The following LMX1B variants were observed in gnomAD, a reference collection of about 807,000 sequenced individuals.
LMX1B encodes the protein LIM homeobox transcription factor 1 beta.
In LMX1B, 12 loss-of-function variants were observed where a neutral mutation model predicts 51.4. The ratio of observed to expected loss-of-function variants is 0.23; its 90% CI spans 0.15 to 0.38. The LOEUF is 0.38. Ranked by LOEUF, LMX1B falls within the 10% of genes least tolerant of loss-of-function variation. LMX1B has a pLI of 1.00. For missense variants in LMX1B, 445 were observed against 571.1 expected (o/e 0.78, Z 2.25); for synonymous variants, 237 against 235.4 (o/e 1.01, Z -0.06).
intron 2 of LMX1B, among the ~76,000 whole-genome samples, chr9:126,678,549 A>C (rs994474029): frequency 1.1e-4 from 17 of 152,186 alleles, no homozygotes; most frequent in African/African-American, 3.9e-4. Context: ...CTGCCTGGTA[A>C]AATTTGTAGT....
At position 126,658,646 on chromosome 9, in the gene LMX1B, T is replaced by C. The variant is rs1836165324; in HGVS notation, c.327-32190T>C. Among the ~76,000 whole-genome samples, 3 of 152,232 alleles carry C rather than the reference T, an allele frequency of 2.0e-5. No individual in the cohort carries two copies. Among genetic ancestry groups the C allele is most frequent in the Admixed American group, 1.3e-4 (2 of 15,284 alleles). ...GGCAGCGTTATTACCTTGTCATAAA[T>C]AGTTAGGGGAAGGCCCCCGAACGAG... On this transcript the variant is annotated intron_variant, in intron 2 of 7. Transcript: ENST00000373474. This position sits in a 1 kb window ranked among gnomAD's most constrained non-coding sequence, Gnocchi z 4.0.
chr9:126,697,867 T>G lies in LMX1B; in HGVS notation c.*1416T>G, dbSNP rs2030400728. ...TTGTTTTGTTTTGTTTTGTTTTGTT[T>G]TGTTTTGTTTTGTTTTGTTTTGTTT... On this transcript the variant is annotated 3_prime_UTR_variant, in exon 8 of 8. Coordinates refer to ENST00000373474, the MANE Select transcript of LMX1B (RefSeq NM_001174147.2). The G allele has an allele frequency of 6.4e-6, 1 of 157,222 alleles. No homozygotes were observed. Among genetic ancestry groups the G allele is most frequent in the South Asian group, 2.0e-4 (1 of 5,022 alleles). 9.7% of individuals were successfully genotyped at this position (157,222 alleles called of 1,614,324 possible). A position where few individuals can be genotyped will look rare whatever the true frequency, so the allele number is the denominator to read the frequency against.
At chr9:126,687,226 T>TA (rs1012018224) in intron 2 of LMX1B, among the ~76,000 whole-genome samples, 8 of 151,736 alleles carry the variant, frequency 5.3e-5, no homozygotes, top group Admixed American at 2.6e-4. Context: ...CCTTTTTTTT[T>TA]TTATTTTTTA....
chr9:126,664,185 G>A (rs184639170), intron 2 of LMX1B, among the ~76,000 whole-genome samples: 97 of 152,024 alleles, frequency 6.4e-4, no homozygotes, highest in African/African-American at 2.2e-3. Context: ...TGAGGCTGTC[G>A]GGGGGGTCTC....
intron 2 of LMX1B, among the ~76,000 whole-genome samples, chr9:126,679,970 A>G (rs1836643439): frequency 6.6e-6 from 1 of 152,204 alleles, no homozygotes; most frequent in Non-Finnish European, 1.5e-5. Context: ...GAATGTCTTC[A>G]GACTGCCGTG....
At chr9:126,689,847 A>G (rs148314492) in intron 2 of LMX1B, among the ~76,000 whole-genome samples, 2 of 152,298 alleles carry the variant, frequency 1.3e-5, no homozygotes, top group South Asian at 2.1e-4. Context: ...TAGCACCTCA[A>G]TTTCCTCATC....
intron 2 of LMX1B, among the ~76,000 whole-genome samples, chr9:126,657,659 C>A (rs1009511424): frequency 2.6e-5 from 4 of 152,218 alleles, no homozygotes; most frequent in Non-Finnish European, 5.9e-5. Flanking sequence ...AGCTCCCGGG[C>A]CAGAGTTTTG....
Position 126,693,527 on chromosome 9 carries a change from C to A in LMX1B, c.745C>A (p.Arg249=), listed in dbSNP as rs121909492. ...TGTTCCCCTCTCTCTGAGCCAGGTC[C>A]GAGAGACACTGGCAGCTGAGACGGG... The part of the protein sequence containing the change: ...EVSSKPCRKV[R]ETLAAETGLS... The change falls in exon 5 of 8, where the codon CGA becomes AGA. Residue 249 remains arginine, a synonymous_variant. Coordinates refer to ENST00000373474, the MANE Select transcript of LMX1B (RefSeq NM_001174147.2). 7 of 1,613,956 alleles carry A rather than the reference C, an allele frequency of 4.3e-6. No individual in the cohort carries two copies. The highest frequency in any genetic ancestry group is 5.9e-6 in the Non-Finnish European group (7 of 1,179,948).
At chr9:126,665,183 C>T (rs1836318957) in intron 2 of LMX1B, among the ~76,000 whole-genome samples, 1 of 152,228 alleles carries the variant, frequency 6.6e-6, no homozygotes, top group African/African-American at 2.4e-5. Context: ...CTGGCTTCCT[C>T]CAGCTCCCTG....
Position 126,693,759 on chromosome 9 carries a change from C to T in LMX1B, c.833C>T (p.Ala278Val), listed in dbSNP as rs1432125809. Residue 278 changes from alanine (A) to valine (V), a missense_variant, in exon 6 of 8, where the codon GCG becomes GTG. Around this residue, in one of 3 missense-constraint regions of LMX1B, gnomAD observed 162 missense variants for 187.8 expected, o/e 0.86. Coordinates refer to ENST00000373474, the MANE Select transcript of LMX1B (RefSeq NM_001174147.2). ...QNQRAKMKKL[A>V]RRHQQQQEQQ... ...CTCTCCCTGCAGATGAAGAAGCTGGCGCGGCGGCACCAGCAGCAGCAGGAG... is the reference window on the plus strand; with the variant it reads ...CTCTCCCTGCAGATGAAGAAGCTGGTGCGGCGGCACCAGCAGCAGCAGGAG... 7.8e-6 allele frequency: 12 copies of T among 1,539,166 alleles called. No individual in the cohort carries two copies. Among genetic ancestry groups the T allele is most frequent in the Middle Eastern group, 1.7e-4 (1 of 5,722 alleles).
intron 2 of LMX1B, among the ~76,000 whole-genome samples, chr9:126,656,211 A>G (rs1009842570): frequency 6.6e-6 from 1 of 152,192 alleles, no homozygotes; most frequent in African/African-American, 2.4e-5. Flanking sequence ...AGGAATGGAA[A>G]ACAGACAGGT....
chr9:126,659,328 G>A (rs1184947396), intron 2 of LMX1B, among the ~76,000 whole-genome samples: 6 of 152,232 alleles, frequency 3.9e-5, no homozygotes, highest in Non-Finnish European at 7.3e-5. Context: ...CAGCTGGGCT[G>A]GGAAGGCGCC....
chr9:126,665,763 C>CCG (rs1836331815), intron 2 of LMX1B, among the ~76,000 whole-genome samples: 1 of 152,232 alleles, frequency 6.6e-6, no homozygotes, highest in Non-Finnish European at 1.5e-5. Context: ...ACCAACCCCC[C>CCG]GGGTAGCCCG....
In LMX1B at chr9:126,625,085, G is replaced by A. The variant is rs1402506232; in HGVS notation, c.326+9516G>A. 1.3e-5 allele frequency among the ~76,000 whole-genome samples: 2 copies of A among 152,196 alleles called. No homozygotes were observed. The highest frequency in any genetic ancestry group is 6.5e-5 in the Admixed American group (1 of 15,288). On this transcript the variant is annotated intron_variant, in intron 2 of 7. Coordinates refer to ENST00000373474, the MANE Select transcript of LMX1B (RefSeq NM_001174147.2). The surrounding 1 kb of genome is among the most constrained non-coding windows in gnomAD (Gnocchi z 5.3). ...CCCTTTGTCCCACGGAGTGAACGAC[G>A]GAAACTTGCCATCCTAATCCCCTTA...
Position 126,658,620 on chromosome 9 carries a change from C to A in LMX1B, c.327-32216C>A, listed in dbSNP as rs569192933. On this transcript the variant is annotated intron_variant, in intron 2 of 7. Coordinates refer to ENST00000373474, the MANE Select transcript of LMX1B (RefSeq NM_001174147.2). The surrounding 1 kb of genome is among the most constrained non-coding windows in gnomAD (Gnocchi z 4.0). ...CAATTTAAAGGCAGGCGGCCGCACC[C>A]GGCAGCGTTATTACCTTGTCATAAA... Among the ~76,000 whole-genome samples, 3 of 152,250 alleles carry A rather than the reference C, an allele frequency of 2.0e-5. No individual in the cohort carries two copies. The highest frequency in any genetic ancestry group is 2.9e-5 in the Non-Finnish European group (2 of 68,048).
At chr9:126,687,984 C>T (rs1588303484) in intron 2 of LMX1B, among the ~76,000 whole-genome samples, 1 of 152,188 alleles carries the variant, frequency 6.6e-6, no homozygotes, top group South Asian at 2.1e-4. Flanking sequence ...CAAAGGCAGC[C>T]CCATAATTGG....
chr9:126,679,451 AGATGCATG>A (rs1309151304), intron 2 of LMX1B, among the ~76,000 whole-genome samples: 4 of 149,102 alleles, frequency 2.7e-5, no homozygotes, highest in Non-Finnish European at 3.0e-5. Context: ...GTGGAAGGAT[AGATGCATG>A]CATGCGTGGA....
intron 2 of LMX1B, among the ~76,000 whole-genome samples, chr9:126,668,301 C>A (rs897406405): frequency 1.3e-5 from 2 of 152,056 alleles, no homozygotes; most frequent in African/African-American, 4.8e-5. Flanking sequence ...CGCTTACTGT[C>A]TCATCACACC....
intron 2 of LMX1B, among the ~76,000 whole-genome samples, chr9:126,657,710 C>T (rs1360354838): frequency 6.6e-6 from 1 of 152,236 alleles, no homozygotes; most frequent in Non-Finnish European, 1.5e-5. Flanking sequence ...TTCATTCAGG[C>T]AAGCATTCGG....
Sources: gnomAD v4.1 joint callset for allele counts (sites outside exome capture counted in the v4.1 genomes callset) on GRCh38, gnomAD v4.1.1 for gene constraint, gnomAD v4.1.1 regional missense constraint, Gnocchi (gnomAD v3.1) non-coding constraint, MANE v1.5 for transcripts, NCBI Gene and HGNC (gene_info 2026-07-23, HGNC 2026-07-21) for gene names.